Variants in LRRC75A observed in about 807,000 individuals in gnomAD.
The protein encoded by LRRC75A is leucine-rich repeat-containing protein 75A.
Under a neutral mutation model 26.0 loss-of-function variants are expected in LRRC75A, and 12 were observed. The observed-to-expected ratio is 0.46, with a 90% CI of 0.30 to 0.75. The LOEUF (loss-of-function observed/expected upper bound fraction) is 0.75. Among genes scored for constraint, LRRC75A ranks in the 30% least tolerant of loss-of-function variants. The pLI is 0.08. For missense variants in LRRC75A, 410 were observed against 486.6 expected (o/e 0.84, Z 1.48); for synonymous variants, 223 against 219.3 (o/e 1.02, Z -0.15).
intron 1 of LRRC75A, among the ~76,000 whole-genome samples, chr17:16,480,285 G>A (rs114807209): frequency 4.6e-5 from 7 of 151,982 alleles, no homozygotes; most frequent in Admixed American, 2.6e-4. Context: ...CCCCCACCCC[G>A]GGCCATGGAA....
intron 2 of LRRC75A, among the ~76,000 whole-genome samples, chr17:16,450,333 G>C (rs1430936612): frequency 1.3e-5 from 2 of 152,200 alleles, no homozygotes; most frequent in African/African-American, 2.4e-5. Context: ...GTCCAAAGGA[G>C]AGAGGCATCT....
chr17:16,466,104 T>C (rs553482865), intron 1 of LRRC75A, among the ~76,000 whole-genome samples: 10 of 152,346 alleles, frequency 6.6e-5, no homozygotes, highest in African/African-American at 2.2e-4. Flanking sequence ...GGGCACTTCA[T>C]AGTCCTGAGG....
intron 1 of LRRC75A, among the ~76,000 whole-genome samples, chr17:16,490,158 T>C (rs980190970): frequency 9.2e-5 from 14 of 152,202 alleles, no homozygotes; most frequent in Non-Finnish European, 1.6e-4. Context: ...GCTCTGGTCT[T>C]GCACCCTCCA....
In LRRC75A at chr17:16,491,851, C is replaced by T. The variant is rs1171933003; in HGVS notation, c.140G>A (p.Gly47Glu). 7.2e-7 allele frequency: 1 copy of T among 1,395,418 alleles called. No individual in the cohort carries two copies. Among genetic ancestry groups the T allele is most frequent in the African/African-American group, 1.5e-5 (1 of 66,778 alleles). 86.4% of individuals were successfully genotyped at this position (1,395,418 alleles called of 1,614,324 possible). A position where few individuals can be genotyped will look rare whatever the true frequency, so the allele number is the denominator to read the frequency against. Residue 47 changes from glycine to glutamate, a missense_variant, in exon 1 of 4, where the codon GGG becomes GAG. Transcript: ENST00000470794. The surrounding 1 kb of genome is among the most constrained non-coding windows in gnomAD (Gnocchi z 5.9). ...AGDKAGRAGA[G>E]MPPYHRRVGM... ...GACTCGCCGGTGGTAGGGGGGCATC[C>T]CCGCGCCCGCGCGCCCCGCCTTGTC... is the stretch of plus-strand genomic sequence containing the variant.
chr17:16,452,058 A>G lies in LRRC75A; in HGVS notation c.376-4098T>C, dbSNP rs139172625. On this transcript the variant is annotated intron_variant, in intron 2 of 3. Coordinates refer to ENST00000470794, the MANE Select transcript of LRRC75A (RefSeq NM_001113567.3). ...GCCTGGAATCTCAGGGGAGCTTTAA[A>G]GTCCACTGATGGGCCAGGTGCTGTG... Among the ~76,000 whole-genome samples, 133 of 152,110 alleles carry G rather than the reference A, an allele frequency of 8.7e-4. No homozygotes were observed. In the South Asian group the frequency reaches 0.011, roughly 12 times the overall value.
intron 2 of LRRC75A, among the ~76,000 whole-genome samples, chr17:16,457,109 C>G (rs1205770787): frequency 8.1e-6 from 1 of 123,764 alleles, no homozygotes; most frequent in Non-Finnish European, 1.8e-5. Flanking sequence ...GGCTCTCAGC[C>G]ATCAGGCAGT....
intron 2 of LRRC75A, among the ~76,000 whole-genome samples, chr17:16,455,528 G>A (rs753590474): frequency 3.3e-5 from 5 of 151,984 alleles, no homozygotes; most frequent in South Asian, 2.1e-4. Context: ...ACAGGCACCC[G>A]CCATCCATGC....
At chr17:16,454,745 C>CA (rs1451589870) in intron 2 of LRRC75A, among the ~76,000 whole-genome samples, 3 of 151,236 alleles carry the variant, frequency 2.0e-5, no homozygotes, top group African/African-American at 4.8e-5. Flanking sequence ...AACAAAAAAC[C>CA]AAAAAAACAA....
At chr17:16,487,856 G>A (rs2093850085) in intron 1 of LRRC75A, among the ~76,000 whole-genome samples, 1 of 152,220 alleles carries the variant, frequency 6.6e-6, no homozygotes, top group South Asian at 2.1e-4. Flanking sequence ...ACCACTGGGA[G>A]GCCCAAACAA....
At position 16,443,589 on chromosome 17, in the gene LRRC75A, C is replaced by T. The variant is rs2093552784; in HGVS notation, c.1034G>A (p.Ter345=). 2.0e-6 allele frequency: 3 copies of T among 1,514,742 alleles called. No individual in the cohort carries two copies. The highest frequency in any genetic ancestry group is 2.7e-6 in the Non-Finnish European group (3 of 1,122,472). The allele number at this position is 1,514,742 out of a possible 1,614,324, so 93.8% of individuals were successfully genotyped here. The change falls in exon 4 of 4, where the codon TGA becomes TAA. Residue 345 remains the stop codon, a stop_retained_variant. Coordinates refer to ENST00000470794, the MANE Select transcript of LRRC75A (RefSeq NM_001113567.3). ...CTGGTGAGGCCCTTCACTTCCATGT[C>T]ACGTCTGAGCTGCAGCTACAGTCTC... ...GKETVAAAQT[*]
At chr17:16,459,576 G>A (rs1869465262) in intron 2 of LRRC75A, among the ~76,000 whole-genome samples, 1 of 152,230 alleles carries the variant, frequency 6.6e-6, no homozygotes, top group Non-Finnish European at 1.5e-5. Flanking sequence ...AGGAGTTTGG[G>A]TTTTGTTTAA....
At chr17:16,457,509 T>C (rs1306222801) in intron 2 of LRRC75A, among the ~76,000 whole-genome samples, 1 of 152,194 alleles carries the variant, frequency 6.6e-6, no homozygotes, top group Non-Finnish European at 1.5e-5. Flanking sequence ...CTTCGGCATG[T>C]GCAGCCGCCG....
rs1489109790 is a variant in LRRC75A, at chr17:16,441,888, T to C, written c.*1700A>G. 2 of 143,374 alleles carry C rather than the reference T, an allele frequency of 1.4e-5. No individual in the cohort carries two copies. The highest frequency in any genetic ancestry group is 2.3e-4 in the South Asian group (1 of 4,300). The allele number at this position is 143,374 out of a possible 1,614,324, so 8.9% of individuals were successfully genotyped here. ...AAGAGGTTCTATACCTTTTAATGAATTGACTTTCATAAATTGGTTATGTTG... is the reference window on the plus strand; with the variant it reads ...AAGAGGTTCTATACCTTTTAATGAACTGACTTTCATAAATTGGTTATGTTG... On this transcript the variant is annotated 3_prime_UTR_variant, in exon 4 of 4. Coordinates refer to ENST00000470794, the MANE Select transcript of LRRC75A (RefSeq NM_001113567.3).
intron 1 of LRRC75A, among the ~76,000 whole-genome samples, chr17:16,467,116 T>C (rs781269311): frequency 1.4e-4 from 21 of 152,248 alleles, no homozygotes; most frequent in Non-Finnish European, 2.5e-4. Context: ...TTGGAAAATA[T>C]AGTTATTTTC....
At chr17:16,465,088 G>C (rs1196676561) in intron 1 of LRRC75A, among the ~76,000 whole-genome samples, 1 of 152,232 alleles carries the variant, frequency 6.6e-6, no homozygotes, top group African/African-American at 2.4e-5. Context: ...GGAGGCCAGA[G>C]GCATGGAGCT....
At chr17:16,471,033 G>A (rs2093804212) in intron 1 of LRRC75A, among the ~76,000 whole-genome samples, 1 of 151,412 alleles carries the variant, frequency 6.6e-6, no homozygotes, top group Non-Finnish European at 1.5e-5. Flanking sequence ...ATGCCCATGC[G>A]CTTGTGCCCA....
chr17:16,482,403 T>A (rs11078348), intron 1 of LRRC75A, among the ~76,000 whole-genome samples: 35,595 of 152,070 alleles, frequency 0.23, 4,235 homozygotes, highest in Middle Eastern at 0.38. Flanking sequence ...AGCTGGGGGC[T>A]CTTCCCACAG....
chr17:16,477,198 A>G lies in LRRC75A; in HGVS notation c.246+14547T>C, dbSNP rs541437836. On this transcript the variant is annotated intron_variant, in intron 1 of 3. Coordinates refer to ENST00000470794, the MANE Select transcript of LRRC75A (RefSeq NM_001113567.3). ...CCATGCCTAGCCTCAGATGTTAATC[A>G]CATCTGAAAAATACCTTCACAGCAG... 6.6e-5 allele frequency among the ~76,000 whole-genome samples: 10 copies of G among 152,326 alleles called. No homozygotes were observed. The East Asian group carries it at 1.9e-3, about 29-fold the overall frequency.
intron 1 of LRRC75A, among the ~76,000 whole-genome samples, chr17:16,473,154 C>G (rs373018728): frequency 4.0e-5 from 6 of 149,680 alleles, no homozygotes; most frequent in African/African-American, 1.3e-4. Context: ...TGTGTGTGCG[C>G]GCGCGCCCCA....
Sources: gnomAD v4.1 joint callset for allele counts (sites outside exome capture counted in the v4.1 genomes callset) on GRCh38, gnomAD v4.1.1 for gene constraint, Gnocchi (gnomAD v3.1) non-coding constraint, MANE v1.5 for transcripts, NCBI Gene and HGNC (gene_info 2026-07-23, HGNC 2026-07-21) for gene names.